CSTPP1: variants seen among roughly 807,000 people sequenced by gnomAD.
The protein encoded by CSTPP1 is centriolar satellite-associated tubulin polyglutamylase complex regulator 1.
chr11:46,969,849 C>T, the CSTPP1 span, among the ~76,000 whole-genome samples: 1 of 152,134 alleles, frequency 6.6e-6, no homozygotes, highest in African/African-American at 2.4e-5. Flanking sequence ...ACTGCAACCT[C>T]CGCCTCCTGG....
chr11:47,042,286 A>AT, the CSTPP1 span, among the ~76,000 whole-genome samples: 3 of 151,038 alleles, frequency 2.0e-5, no homozygotes, highest in Non-Finnish European at 4.4e-5. Flanking sequence ...TTTAGGGAAT[A>AT]TTTTTAGGAA....
chr11:47,161,651 G>T, the CSTPP1 span: 3 of 1,602,888 alleles, frequency 1.9e-6, no homozygotes, highest in Non-Finnish European at 1.7e-6. Flanking sequence ...AGTCCAAAGG[G>T]TCCTGCCCAC....
chr11:47,045,933 C>G, the CSTPP1 span, among the ~76,000 whole-genome samples: 7 of 151,680 alleles, frequency 4.6e-5, no homozygotes, highest in Admixed American at 2.0e-4. Flanking sequence ...ATTACAGGCA[C>G]CTGCCACCAC....
the CSTPP1 span, among the ~76,000 whole-genome samples, chr11:47,086,830 CAAT>C: frequency 6.6e-6 from 1 of 152,062 alleles, no homozygotes; most frequent in South Asian, 2.1e-4. Flanking sequence ...ATGGTAATGA[CAAT>C]AATACTGACG....
the CSTPP1 span, among the ~76,000 whole-genome samples, chr11:47,100,768 C>T: frequency 2.0e-5 from 3 of 152,116 alleles, no homozygotes; most frequent in African/African-American, 4.8e-5. Flanking sequence ...CCAGCATGGG[C>T]GACAGAGGGA....
At chr11:47,056,168 G>A in the CSTPP1 span, among the ~76,000 whole-genome samples, 5 of 152,098 alleles carry the variant, frequency 3.3e-5, no homozygotes, top group Admixed American at 6.6e-5. Context: ...TCAATCTTCC[G>A]TATACAGGGC....
the CSTPP1 span, among the ~76,000 whole-genome samples, chr11:47,101,153 C>A: frequency 7.2e-6 from 1 of 138,844 alleles, no homozygotes; most frequent in East Asian, 2.0e-4. Context: ...TGCCTGCCAC[C>A]ACACCGGCTA....
chr11:47,160,253 C>T, the CSTPP1 span: 4 of 147,598 alleles, frequency 2.7e-5, no homozygotes, highest in Admixed American at 1.4e-4. Context: ...TGCAGTGAGC[C>T]ATGATCACTG....
At chr11:46,992,591 G>A in the CSTPP1 span, among the ~76,000 whole-genome samples, 1 of 152,064 alleles carries the variant, frequency 6.6e-6, no homozygotes, top group African/African-American at 2.4e-5. Context: ...TGGCTGCATA[G>A]TATTCCATGG....
At chr11:47,031,757 T>C in the CSTPP1 span, among the ~76,000 whole-genome samples, 1 of 151,420 alleles carries the variant, frequency 6.6e-6, no homozygotes, top group African/African-American at 2.4e-5. Flanking sequence ...AAGTTAAATA[T>C]TGTATTAGGG....
chr11:46,996,673 C>T, the CSTPP1 span, among the ~76,000 whole-genome samples: 25 of 152,292 alleles, frequency 1.6e-4, no homozygotes, highest in African/African-American at 6.0e-4. Flanking sequence ...ATGGTCTTTA[C>T]AATTTGGCAT....
chr11:46,944,485 C>G, the CSTPP1 span, among the ~76,000 whole-genome samples: 1 of 152,076 alleles, frequency 6.6e-6, no homozygotes, highest in Non-Finnish European at 1.5e-5. Flanking sequence ...TCTCAGATCT[C>G]CTACACTGGG....
At chr11:46,950,557 C>T in the CSTPP1 span, among the ~76,000 whole-genome samples, 1 of 152,044 alleles carries the variant, frequency 6.6e-6, no homozygotes, top group East Asian at 1.9e-4. Flanking sequence ...AATATTTCAA[C>T]TTTTAAGTAG....
the CSTPP1 span, chr11:47,155,255 T>C: frequency 6.2e-7 from 1 of 1,613,186 alleles, no homozygotes; most frequent in Non-Finnish European, 8.5e-7. Flanking sequence ...CCAGTTTTAC[T>C]ACTCAGGTGA....
At chr11:47,033,725 G>A in the CSTPP1 span, among the ~76,000 whole-genome samples, 1 of 152,164 alleles carries the variant, frequency 6.6e-6, no homozygotes, top group Non-Finnish European at 1.5e-5. Flanking sequence ...ATCTTCAATG[G>A]TGTAATCCTC....
chr11:47,059,048 T>G, the CSTPP1 span, among the ~76,000 whole-genome samples: 1 of 152,188 alleles, frequency 6.6e-6, no homozygotes, highest in African/African-American at 2.4e-5. Context: ...TGCAGGGACA[T>G]GGATGAAGCT....
chr11:47,159,991 C>T, the CSTPP1 span: 6 of 290,702 alleles, frequency 2.1e-5, no homozygotes, highest in Admixed American at 4.7e-5. Flanking sequence ...ACAACAAGAG[C>T]GAAACTCCAT....
the CSTPP1 span, among the ~76,000 whole-genome samples, chr11:46,977,891 G>A: frequency 1.3e-5 from 2 of 152,164 alleles, no homozygotes; most frequent in Non-Finnish European, 2.9e-5. Context: ...ATAGAGAGAA[G>A]GAACAGTAGT....
At chr11:47,116,916 C>T in the CSTPP1 span, among the ~76,000 whole-genome samples, 3 of 152,040 alleles carry the variant, frequency 2.0e-5, no homozygotes, top group Non-Finnish European at 4.4e-5. Context: ...CTCCTGACCT[C>T]GTGATCTGCC....
Sources: gnomAD v4.1 joint callset for allele counts (sites outside exome capture counted in the v4.1 genomes callset) on GRCh38, gnomAD v4.1.1 for gene constraint, MANE v1.5 for transcripts, NCBI Gene and HGNC (gene_info 2026-07-23, HGNC 2026-07-21) for gene names.